NFIB: variants seen among roughly 807,000 people sequenced by gnomAD.
The protein encoded by NFIB is nuclear factor 1 B-type.
NFIB carries 11 observed loss-of-function variants against 61.5 expected under a neutral mutation model. The observed-to-expected ratio is 0.18, with a 90% CI of 0.11 to 0.30. The LOEUF (loss-of-function observed/expected upper bound fraction) is 0.30. NFIB is among the 10% of genes least tolerant of loss of function. The pLI is 1.00. For synonymous variants in NFIB, 260 were observed against 216.5 expected (o/e 1.20, Z -1.76); for missense variants, 471 against 608.9 (o/e 0.77, Z 2.38).
intron 2 of NFIB, among the ~76,000 whole-genome samples, chr9:14,246,843 G>T (rs1006132149): frequency 2.6e-5 from 4 of 152,176 alleles, no homozygotes; most frequent in African/African-American, 9.7e-5. Flanking sequence ...CCAATCCCCA[G>T]TGTAACTGCA....
the NFIB span, among the ~76,000 whole-genome samples, chr9:14,427,948 T>TTTTG: frequency 4.5e-4 from 47 of 104,034 alleles, 5 homozygotes; most frequent in African/African-American, 1.6e-3. Flanking sequence ...TTTTTTTTTT[T>TTTTG]TTTTTTTTTT....
At chr9:14,520,039 C>G in the NFIB span, among the ~76,000 whole-genome samples, 8,909 of 150,682 alleles carry the variant, frequency 0.059, 278 homozygotes, top group Non-Finnish European at 0.066. Context: ...AGTCCATATT[C>G]TAAAGAAACT....
At chr9:14,450,718 T>C in the NFIB span, among the ~76,000 whole-genome samples, 2 of 150,648 alleles carry the variant, frequency 1.3e-5, no homozygotes, top group African/African-American at 4.8e-5. Flanking sequence ...ACTAAAACAC[T>C]TTCAAGGTGA....
At chr9:14,326,640 T>A (rs2060755200) in intron 1 of NFIB, among the ~76,000 whole-genome samples, 1 of 142,090 alleles carries the variant, frequency 7.0e-6, no homozygotes, top group Admixed American at 7.5e-5. Flanking sequence ...AGAGACAGAC[T>A]CAGACTTATT....
At chr9:14,301,395 T>C (rs746336161) in intron 2 of NFIB, among the ~76,000 whole-genome samples, 5 of 152,230 alleles carry the variant, frequency 3.3e-5, no homozygotes, top group Admixed American at 2.0e-4. Context: ...ATACATAATC[T>C]AACTATTTTT....
intron 3 of NFIB, among the ~76,000 whole-genome samples, chr9:14,169,690 T>A (rs1464079222): frequency 6.6e-6 from 1 of 152,144 alleles, no homozygotes; most frequent in African/African-American, 2.4e-5. Context: ...ACACGGCCCA[T>A]GCCTGTAGTC....
At chr9:14,279,858 T>C (rs2058254701) in intron 2 of NFIB, among the ~76,000 whole-genome samples, 2 of 152,330 alleles carry the variant, frequency 1.3e-5, no homozygotes, top group Non-Finnish European at 2.9e-5. Context: ...AGAATGATGT[T>C]TAGATTCCTT....
chr9:14,469,164 A>G, the NFIB span, among the ~76,000 whole-genome samples: 2 of 152,192 alleles, frequency 1.3e-5, no homozygotes, highest in Non-Finnish European at 2.9e-5. Flanking sequence ...CCAGGTATGA[A>G]CACATTGGGA....
At chr9:14,468,881 G>A in the NFIB span, among the ~76,000 whole-genome samples, 4 of 152,174 alleles carry the variant, frequency 2.6e-5, no homozygotes, top group Admixed American at 2.0e-4. Flanking sequence ...AGGTACAGAA[G>A]ACCACCATTT....
At chr9:14,141,634 A>G (rs986706619) in intron 6 of NFIB, among the ~76,000 whole-genome samples, 1 of 152,196 alleles carries the variant, frequency 6.6e-6, no homozygotes, top group East Asian at 1.9e-4. Context: ...AATTCCTCCA[A>G]TATAATATAG....
Position 14,252,515 on chromosome 9 carries a change from T to C in NFIB, c.562+54474A>G, listed in dbSNP as rs150578892. Among the ~76,000 whole-genome samples the C allele has an allele frequency of 7.3e-3, 1,117 of 152,270 alleles. 15 individuals are homozygous for C. The highest frequency in any genetic ancestry group is 0.025 in the African/African-American group (1,036 of 41,558). ...CAGCAAGGTAAAGAAGTGTCATGAT[T>C]TTTAAACATTTGTATTTGTTAAAAA... On this transcript the variant is annotated intron_variant, in intron 2 of 10. Transcript: ENST00000380953.
intron 2 of NFIB, among the ~76,000 whole-genome samples, chr9:14,288,688 G>T (rs779942388): frequency 6.6e-6 from 1 of 152,006 alleles, no homozygotes; most frequent in Non-Finnish European, 1.5e-5. Flanking sequence ...TGGTGAGAGG[G>T]TTAGTTAGTT....
chr9:14,523,505 C>T, the NFIB span, among the ~76,000 whole-genome samples: 1 of 151,948 alleles, frequency 6.6e-6, no homozygotes, highest in Non-Finnish European at 1.5e-5. Context: ...CCAGCCCATG[C>T]CAGAGACCTT....
At position 14,082,183 on chromosome 9, in the gene NFIB, AC is replaced by A. The variant is rs1341771979; in HGVS notation, c.*6125del. On this transcript the variant is annotated 3_prime_UTR_variant, in exon 11 of 11. Transcript: ENST00000380953. ...TACATCCTACTGCTAAAGGTTTGTT[AC>A]ATGGAGATTGTGCATGTGCCTCCTT... The A allele has an allele frequency of 4.9e-6, 1 of 205,938 alleles. No individual in the cohort carries two copies. The highest frequency in any genetic ancestry group is 1.0e-5 in the Non-Finnish European group (1 of 100,490). The allele number at this position is 205,938 out of a possible 1,614,324, so 12.8% of individuals were successfully genotyped here. A position where few individuals can be genotyped will look rare whatever the true frequency, so the allele number is the denominator to read the frequency against.
At position 14,295,808 on chromosome 9, in the gene NFIB, C is replaced by T. The variant is rs566463568; in HGVS notation, c.562+11181G>A. Among the ~76,000 whole-genome samples, 6 of 152,276 alleles carry T rather than the reference C, an allele frequency of 3.9e-5. 1 individual carries two copies. The highest frequency in any genetic ancestry group is 3.9e-4 in the East Asian group (2 of 5,182). On this transcript the variant is annotated intron_variant, in intron 2 of 10. Transcript: ENST00000380953. ...ATTGGAGTGCAGTGAATTACGAGTA[C>T]TTGATAGGACACCCTTTACCCACAC...
In NFIB at chr9:14,313,416, C is replaced by CAACAA; in HGVS notation, c.30+61_30+65dup. On this transcript the variant is annotated intron_variant, in intron 1 of 10. Transcript: ENST00000380953. The surrounding 1 kb of genome is among the most constrained non-coding windows in gnomAD (Gnocchi z 4.5). ...GTTAACTCAAGCCGCTAATTGTCCG[C>CAACAA]AACAAAACAAAACAAAGGCATTTCG... 1 of 1,609,784 alleles carries CAACAA rather than the reference C, an allele frequency of 6.2e-7. No individual in the cohort carries two copies. Among genetic ancestry groups the CAACAA allele is most frequent in the East Asian group, 2.2e-5 (1 of 44,762 alleles).
rs574113208 is a variant in NFIB at position 14,111,946 on chromosome 9, T to G, written c.1467+1053A>C. ...CTGCAACTGGAAAGGACTTGAGAAC[T>G]CCACACCAAGCACAGTTGAGGTAGG... On this transcript the variant is annotated intron_variant, in intron 10 of 10. Coordinates refer to ENST00000380953, the MANE Select transcript of NFIB (RefSeq NM_001190737.2). Among the ~76,000 whole-genome samples, 3 of 152,260 alleles carry G rather than the reference T, an allele frequency of 2.0e-5. No homozygotes were observed. In the East Asian group the frequency reaches 5.8e-4, roughly 29 times the overall value.
intron 10 of NFIB, among the ~76,000 whole-genome samples, chr9:14,111,504 G>A (rs984526801): frequency 9.2e-5 from 14 of 152,230 alleles, no homozygotes; most frequent in African/African-American, 3.4e-4. Flanking sequence ...CAAATCCCAT[G>A]AGAAAAATAT....
chr9:14,256,922 C>T (rs1194656548), intron 2 of NFIB, among the ~76,000 whole-genome samples: 1 of 152,180 alleles, frequency 6.6e-6, no homozygotes, highest in Non-Finnish European at 1.5e-5. Context: ...GTCACTACCC[C>T]AGTTCTGATG....
Sources: allele counts gnomAD v4.1 joint callset (sites outside exome capture counted in the v4.1 genomes callset), GRCh38; gene constraint gnomAD v4.1.1; non-coding constraint Gnocchi (gnomAD v3.1); transcripts MANE v1.5; gene names NCBI Gene and HGNC (gene_info 2026-07-23, HGNC 2026-07-21).